Variants in TFEC observed in about 807,000 individuals in gnomAD.
The protein encoded by TFEC is class E basic helix-loop-helix protein 34.
Under a neutral mutation model 41.6 loss-of-function variants are expected in TFEC, and 31 were observed. The observed-to-expected ratio is 0.74, with a 90% CI of 0.56 to 1.01. The LOEUF is 1.01. TFEC is among the 50% of genes least tolerant of loss of function. The pLI, the probability that TFEC is intolerant of heterozygous loss-of-function variation, is 0.00. For missense variants in TFEC, 402 were observed against 404.1 expected, an observed-to-expected ratio of 0.99 and a Z score of 0.04; for synonymous variants, 143 against 140.6, an observed-to-expected ratio of 1.02 and a Z score of -0.12.
intron 3 of TFEC, among the ~76,000 whole-genome samples, chr7:116,041,809 C>CA (rs1270067994): frequency 6.6e-6 from 1 of 152,154 alleles, no homozygotes; most frequent in African/African-American, 2.4e-5. Context: ...AGCACATACC[C>CA]ACACGCACAG....
At chr7:116,128,786 G>C (rs1798268200) in intron 1 of TFEC, among the ~76,000 whole-genome samples, 1 of 152,104 alleles carries the variant, frequency 6.6e-6, no homozygotes, top group Non-Finnish European at 1.5e-5. Context: ...AGCAAAATGA[G>C]AGGATGGATT....
At chr7:116,029,686 T>C (rs1309926168) in intron 1 of TFEC, among the ~76,000 whole-genome samples, 2 of 152,038 alleles carry the variant, frequency 1.3e-5, no homozygotes, top group East Asian at 3.9e-4. Context: ...TATAAGCAAA[T>C]GTATATATAC....
intron 2 of TFEC, among the ~76,000 whole-genome samples, chr7:115,980,798 A>T (rs914297337): frequency 3.3e-5 from 5 of 152,008 alleles, no homozygotes; most frequent in Non-Finnish European, 5.9e-5. Flanking sequence ...CAAAAACAAA[A>T]AAAGGAGATA....
chr7:115,973,399 T>TAAGGAAA (rs1372963803), intron 3 of TFEC, among the ~76,000 whole-genome samples: 2 of 151,996 alleles, frequency 1.3e-5, no homozygotes, highest in African/African-American at 2.4e-5. Context: ...TTAAATTAAA[T>TAAGGAAA]ATTTAAAGTA....
intron 3 of TFEC, among the ~76,000 whole-genome samples, chr7:116,041,880 T>A (rs924668950): frequency 6.6e-6 from 1 of 152,174 alleles, no homozygotes; most frequent in African/African-American, 2.4e-5. Flanking sequence ...AGGACAGAGC[T>A]GCATGATCAG....
chr7:115,944,174 A>G (rs186263674), intron 6 of TFEC, among the ~76,000 whole-genome samples: 21 of 150,902 alleles, frequency 1.4e-4, no homozygotes, highest in African/African-American at 4.8e-4. Flanking sequence ...AAAACTTCAA[A>G]CTATTTAGAA....
chr7:116,040,688 T>C (rs1796015955), intron 3 of TFEC, among the ~76,000 whole-genome samples: 1 of 152,172 alleles, frequency 6.6e-6, no homozygotes, highest in African/African-American at 2.4e-5. Flanking sequence ...GCAATGCACA[T>C]GCACAACGCC....
At chr7:116,109,969 T>G (rs1003294665) in intron 3 of TFEC, among the ~76,000 whole-genome samples, 1 of 151,932 alleles carries the variant, frequency 6.6e-6, no homozygotes, top group Admixed American at 6.6e-5. Context: ...AGCAAACTAT[T>G]GCAAGGACAA....
intron 1 of TFEC, among the ~76,000 whole-genome samples, chr7:116,002,030 T>C (rs1397171348): frequency 1.3e-5 from 2 of 152,174 alleles, no homozygotes; most frequent in Non-Finnish European, 2.9e-5. Flanking sequence ...TAATAACAAA[T>C]GCTGGTGAGA....
rs949054474 is a variant in TFEC at position 115,977,657 on chromosome 7, T to C, written c.181-3401A>G. 2.6e-5 allele frequency among the ~76,000 whole-genome samples: 4 copies of C among 151,762 alleles called. No homozygotes were observed. In the East Asian group the frequency reaches 7.7e-4, roughly 29 times the overall value. On this transcript the variant is annotated intron_variant, in intron 2 of 7. Transcript: ENST00000265440. ...AACTGATACAAAACAAAAGAATGAG[T>C]AAAGAACAGTAAAATGTTTGTGATC...
intron 3 of TFEC, among the ~76,000 whole-genome samples, chr7:116,069,064 G>C (rs1262116490): frequency 6.6e-6 from 1 of 151,588 alleles, no homozygotes; most frequent in Non-Finnish European, 1.5e-5. Context: ...TTGATTTTCA[G>C]CTAATATGTT....
chr7:116,152,838 A>G (rs536936696), intron 1 of TFEC, among the ~76,000 whole-genome samples: 13 of 152,354 alleles, frequency 8.5e-5, no homozygotes, highest in Non-Finnish European at 1.3e-4. Context: ...AATGGTCGAT[A>G]TCCAAGCAAA....
chr7:115,963,277 T>C (rs567698245), intron 3 of TFEC, among the ~76,000 whole-genome samples: 77 of 151,938 alleles, frequency 5.1e-4, no homozygotes, highest in African/African-American at 1.4e-3. Context: ...AAAGCTACCA[T>C]GTAATACTTC....
intron 6 of TFEC, among the ~76,000 whole-genome samples, chr7:115,944,313 A>G (rs988536478): frequency 1.3e-5 from 2 of 151,474 alleles, no homozygotes; most frequent in African/African-American, 2.4e-5. Flanking sequence ...TGTTTCCAAG[A>G]AAGCTAAAGA....
At chr7:116,005,867 A>C (rs1447754029) in intron 1 of TFEC, among the ~76,000 whole-genome samples, 1 of 152,200 alleles carries the variant, frequency 6.6e-6, no homozygotes, top group Non-Finnish European at 1.5e-5. Flanking sequence ...TGCTGTATGC[A>C]ACCTAGAAAT....
At chr7:116,151,768 A>T (rs1013466027) in intron 1 of TFEC, among the ~76,000 whole-genome samples, 3 of 152,140 alleles carry the variant, frequency 2.0e-5, no homozygotes, top group African/African-American at 7.2e-5. Flanking sequence ...GGACATATCT[A>T]GTCTCAGATA....
intron 1 of TFEC, among the ~76,000 whole-genome samples, chr7:116,133,034 TAAATTATTAC>T (rs1192807195): frequency 6.6e-6 from 1 of 152,238 alleles, no homozygotes; most frequent in African/African-American, 2.4e-5. Context: ...CTTTAGAAAA[TAAATTATTAC>T]AGTGCTTAAA....
Position 116,125,749 on chromosome 7 carries a change from C to T in TFEC, c.-68-13711G>A, listed in dbSNP as rs772523723. ...TAATGCCATTTAGAGAAACGAAGAC[C>T]AAAAGAGGGTAAGGTTGGTGCCTCC... On this transcript the variant is annotated intron_variant, in intron 1 of 8. Transcript: ENST00000484212. Among the ~76,000 whole-genome samples, 3 of 152,052 alleles carry T rather than the reference C, an allele frequency of 2.0e-5. No individual in the cohort carries two copies. The East Asian group carries it at 5.8e-4, about 29-fold the overall frequency.
chr7:116,038,334 T>C (rs1420939496), intron 3 of TFEC, among the ~76,000 whole-genome samples: 3 of 151,998 alleles, frequency 2.0e-5, no homozygotes, highest in Admixed American at 6.6e-5. Context: ...ACAGGTGCCA[T>C]GATCCCTTAT....
Sources: allele counts gnomAD v4.1 joint callset (sites outside exome capture counted in the v4.1 genomes callset), GRCh38; gene constraint gnomAD v4.1.1; transcripts MANE v1.5; gene names NCBI Gene and HGNC (gene_info 2026-07-23, HGNC 2026-07-21).